PIP4K2A: variants seen among roughly 807,000 people sequenced by gnomAD.
The protein encoded by PIP4K2A is phosphatidylinositol-5-phosphate 4-kinase type 2 alpha, also known as phosphatidylinositol 5-phosphate 4-kinase type-2 alpha.
A neutral mutation model predicts 42.9 loss-of-function variants in PIP4K2A; 14 were observed. That is an observed-to-expected ratio of 0.33 (90% CI 0.22 to 0.51). PIP4K2A has a LOEUF of 0.51. PIP4K2A is among the 20% of genes least tolerant of loss of function. The pLI is 0.97. For synonymous variants in PIP4K2A, 192 were observed against 192.2 expected (o/e 1.00, Z 0.01); for missense variants, 434 against 519.8 (o/e 0.83, Z 1.61).
intron 3 of PIP4K2A, among the ~76,000 whole-genome samples, chr10:22,601,130 CAAAAAA>C (rs1188396077): frequency 0.051 from 1,618 of 31,706 alleles, 65 homozygotes; most frequent in African/African-American, 0.096. Context: ...GAGACTGTCT[CAAAAAA>C]AAAAAAAAAA....
chr10:22,688,828 C>T (rs920277037), intron 1 of PIP4K2A, among the ~76,000 whole-genome samples: 1 of 152,124 alleles, frequency 6.6e-6, no homozygotes, highest in East Asian at 1.9e-4. Flanking sequence ...TTATCTGGTA[C>T]AATTAGTGGT....
chr10:22,592,723 C>G (rs1397079446), intron 3 of PIP4K2A, among the ~76,000 whole-genome samples: 1 of 152,210 alleles, frequency 6.6e-6, no homozygotes, highest in Non-Finnish European at 1.5e-5. Flanking sequence ...CTTGCCCCAA[C>G]CTCTTGACAA....
chr10:22,611,904 CTG>C (rs1373948811), intron 1 of PIP4K2A, among the ~76,000 whole-genome samples: 1 of 152,176 alleles, frequency 6.6e-6, no homozygotes, highest in East Asian at 1.9e-4. Flanking sequence ...GGATCAGACA[CTG>C]ATTATTTAAA....
At chr10:22,573,059 C>T (rs2130795343) in intron 5 of PIP4K2A, among the ~76,000 whole-genome samples, 1 of 152,340 alleles carries the variant, frequency 6.6e-6, no homozygotes, top group East Asian at 1.9e-4. Flanking sequence ...CCATCACTTC[C>T]AGCATCTAGA....
intron 6 of PIP4K2A, among the ~76,000 whole-genome samples, chr10:22,563,020 T>C (rs1836750569): frequency 6.6e-6 from 1 of 152,222 alleles, no homozygotes; most frequent in Non-Finnish European, 1.5e-5. Context: ...GGATGTTTCT[T>C]TGGCCATTTG....
chr10:22,644,910 A>G (rs1165364611), intron 1 of PIP4K2A, among the ~76,000 whole-genome samples: 1 of 152,216 alleles, frequency 6.6e-6, no homozygotes, highest in Non-Finnish European at 1.5e-5. Flanking sequence ...AAGAAAAAGA[A>G]CTGCTTCGGT....
chr10:22,664,036 T>TAC (rs1238407444), intron 1 of PIP4K2A, among the ~76,000 whole-genome samples: 1 of 108,628 alleles, frequency 9.2e-6, no homozygotes, highest in African/African-American at 5.5e-5. Context: ...TATATACATA[T>TAC]ATATATATAT....
intron 1 of PIP4K2A, among the ~76,000 whole-genome samples, chr10:22,711,056 G>A (rs1253816150): frequency 6.6e-6 from 1 of 152,126 alleles, no homozygotes; most frequent in African/African-American, 2.4e-5. Flanking sequence ...ACTGCCTTAA[G>A]TCTTTTCCTT....
intron 1 of PIP4K2A, among the ~76,000 whole-genome samples, chr10:22,613,678 T>G (rs1352139214): frequency 1.3e-5 from 2 of 152,174 alleles, no homozygotes; most frequent in Admixed American, 1.3e-4. Flanking sequence ...GACAGGAGGC[T>G]GGGCTTCCGG....
chr10:22,640,646 G>T (rs1335201079), intron 1 of PIP4K2A, among the ~76,000 whole-genome samples: 2 of 152,066 alleles, frequency 1.3e-5, no homozygotes, highest in Non-Finnish European at 1.5e-5. Flanking sequence ...GACAATGATG[G>T]GCACATCCTA....
intron 1 of PIP4K2A, among the ~76,000 whole-genome samples, chr10:22,652,044 G>A (rs1171490): frequency 0.26 from 40,032 of 151,924 alleles, 5,579 homozygotes; most frequent in Non-Finnish European, 0.3. Context: ...ATTTAACTGA[G>A]CCCTGTAACT....
chr10:22,647,424 G>A lies in PIP4K2A; in HGVS notation c.145-37707C>T, dbSNP rs12261630. Among the ~76,000 whole-genome samples the A allele has an allele frequency of 5.6e-3, 858 of 152,150 alleles. 4 individuals carry two copies. The highest frequency in any genetic ancestry group is 0.02 in the African/African-American group (809 of 41,476). On this transcript the variant is annotated intron_variant, in intron 1 of 9. Transcript: ENST00000376573. ...GTGAAAGGCTTGTGGGACCAGAGGA[G>A]GAGGCAGGGAAGCAGATAAGAAAGT...
intron 1 of PIP4K2A, among the ~76,000 whole-genome samples, chr10:22,611,442 A>T (rs940789196): frequency 1.3e-5 from 2 of 151,894 alleles, no homozygotes; most frequent in Admixed American, 1.3e-4. Context: ...AAAGCAGAAT[A>T]CTCAAAGCAA....
At chr10:22,588,850 A>G (rs565528855) in intron 4 of PIP4K2A, among the ~76,000 whole-genome samples, 1 of 152,360 alleles carries the variant, frequency 6.6e-6, no homozygotes, top group African/African-American at 2.4e-5. Flanking sequence ...TGTTGGATAA[A>G]GGAGACTTTT....
chr10:22,627,376 T>A (rs1267855917), intron 1 of PIP4K2A, among the ~76,000 whole-genome samples: 2 of 151,950 alleles, frequency 1.3e-5, no homozygotes, highest in East Asian at 3.9e-4. Flanking sequence ...ATCACACACA[T>A]ATTCCTAGGA....
intron 4 of PIP4K2A, among the ~76,000 whole-genome samples, chr10:22,577,944 C>T (rs989663658): frequency 5.3e-5 from 8 of 152,200 alleles, no homozygotes; most frequent in Non-Finnish European, 1.5e-5. Context: ...GATTATGCCA[C>T]TCACTAGATA....
intron 5 of PIP4K2A, among the ~76,000 whole-genome samples, chr10:22,569,832 A>T (rs946645189): frequency 2.7e-5 from 4 of 148,066 alleles, no homozygotes; most frequent in South Asian, 2.1e-4. Flanking sequence ...AAAAATTATT[A>T]AAAAAAATAG....
At chr10:22,587,805 A>G (rs1564432465) in intron 4 of PIP4K2A, among the ~76,000 whole-genome samples, 1 of 152,242 alleles carries the variant, frequency 6.6e-6, no homozygotes, top group Non-Finnish European at 1.5e-5. Context: ...TCTGTAGAAC[A>G]GCATTTACTA....
chr10:22,602,510 C>T (rs1837812215), intron 3 of PIP4K2A, among the ~76,000 whole-genome samples: 1 of 152,094 alleles, frequency 6.6e-6, no homozygotes, highest in Non-Finnish European at 1.5e-5. Flanking sequence ...CAGGGCTGCT[C>T]GCTGGCAGCA....
Sources: gnomAD v4.1 joint callset for allele counts (sites outside exome capture counted in the v4.1 genomes callset) on GRCh38, gnomAD v4.1.1 for gene constraint, MANE v1.5 for transcripts, NCBI Gene and HGNC (gene_info 2026-07-23, HGNC 2026-07-21) for gene names.